Variants in ZNF385D observed in about 807,000 individuals in gnomAD.
ZNF385D encodes zinc finger protein 385D.
Under a neutral mutation model 35.8 loss-of-function variants are expected in ZNF385D, and 15 were observed. The observed-to-expected ratio is 0.42, with a 90% CI of 0.28 to 0.64. The LOEUF is 0.64. Among genes scored for constraint, ZNF385D ranks in the 30% least tolerant of loss-of-function variants. The pLI is 0.23. For synonymous variants in ZNF385D, 212 were observed against 186.8 expected (o/e 1.13, Z -1.10); for missense variants, 474 against 494.6 (o/e 0.96, Z 0.39).
At position 22,083,599 on chromosome 3, in the gene ZNF385D, T is replaced by C. The variant is rs140184219; in HGVS notation, c.325+85218A>G. 6.6e-3 allele frequency among the ~76,000 whole-genome samples: 1,010 copies of C among 152,262 alleles called. 16 individuals carry two copies. Among genetic ancestry groups the C allele is most frequent in the African/African-American group, 0.022 (913 of 41,554 alleles). On this transcript the variant is annotated intron_variant, in intron 3 of 5. Transcript: ENST00000494108. The stretch of plus-strand genomic sequence containing the variant: ...GGACTATGTGAAAAGACCAAATCTA[T>C]GTCTGATTGGTGTACCTGAAAGTGA...
At chr3:21,789,403 G>A (rs1164416757) in intron 3 of ZNF385D, among the ~76,000 whole-genome samples, 1 of 152,168 alleles carries the variant, frequency 6.6e-6, no homozygotes, top group Non-Finnish European at 1.5e-5. Context: ...GGAGTGGGGA[G>A]ATCTAGGGCA....
intron 3 of ZNF385D, among the ~76,000 whole-genome samples, chr3:21,866,020 TTAA>T (rs1697330889): frequency 6.6e-6 from 1 of 152,082 alleles, no homozygotes. Flanking sequence ...ATTATGAATA[TTAA>T]TATTACATTC....
chr3:21,549,049 T>C (rs1177550393), intron 3 of ZNF385D, among the ~76,000 whole-genome samples: 4 of 152,238 alleles, frequency 2.6e-5, no homozygotes, highest in Admixed American at 2.6e-4. Flanking sequence ...GTTATGAATG[T>C]ATCTACTGGT....
chr3:21,782,210 G>A (rs1427694571), intron 3 of ZNF385D, among the ~76,000 whole-genome samples: 1 of 152,026 alleles, frequency 6.6e-6, no homozygotes, highest in Non-Finnish European at 1.5e-5. Context: ...TCAGTATTCA[G>A]TTGCCCCAGC....
upstream of ZNF385D, among the ~76,000 whole-genome samples, chr3:21,755,847 T>C (rs1019213933): frequency 3.3e-5 from 5 of 152,184 alleles, no homozygotes; most frequent in African/African-American, 1.2e-4. Flanking sequence ...AGGTGCTGGA[T>C]GAAGAACGCT....
chr3:21,697,539 A>G (rs1475150652), intron 1 of ZNF385D, among the ~76,000 whole-genome samples: 1 of 152,084 alleles, frequency 6.6e-6, no homozygotes, highest in Admixed American at 6.6e-5. Flanking sequence ...GAATACTTAA[A>G]ATGTGGCTGG....
At chr3:22,203,175 T>A (rs1387570067) in intron 2 of ZNF385D, among the ~76,000 whole-genome samples, 1 of 151,944 alleles carries the variant, frequency 6.6e-6, no homozygotes, top group African/African-American at 2.4e-5. Context: ...AAGAGGACTT[T>A]CTCTTGCAAC....
chr3:21,507,355 A>T (rs1706850933), intron 4 of ZNF385D, among the ~76,000 whole-genome samples: 1 of 152,082 alleles, frequency 6.6e-6, no homozygotes, highest in South Asian at 2.1e-4. Context: ...TTTTTAAAAT[A>T]TATATATAAT....
chr3:22,169,695 T>C (rs1176904903), intron 2 of ZNF385D, among the ~76,000 whole-genome samples: 2 of 152,334 alleles, frequency 1.3e-5, no homozygotes, highest in Middle Eastern at 3.4e-3. Flanking sequence ...AATTATGGCT[T>C]ACATTGGAAA....
intron 3 of ZNF385D, among the ~76,000 whole-genome samples, chr3:21,551,560 T>A (rs1302861840): frequency 6.6e-6 from 1 of 152,238 alleles, no homozygotes; most frequent in African/African-American, 2.4e-5. Context: ...CTTCACTTAA[T>A]AAGCTTACAT....
chr3:21,683,514 G>T (rs1189708329), intron 1 of ZNF385D, among the ~76,000 whole-genome samples: 1 of 149,454 alleles, frequency 6.7e-6, no homozygotes, highest in Non-Finnish European at 1.5e-5. Context: ...GCTACTCGAA[G>T]GCTGAGGGAA....
rs868681391 is a variant in ZNF385D, at chr3:22,226,961, G to A, written c.107-57926C>T. 2.6e-5 allele frequency among the ~76,000 whole-genome samples: 4 copies of A among 152,140 alleles called. No individual in the cohort carries two copies. The South Asian group carries it at 8.3e-4, about 32-fold the overall frequency. On this transcript the variant is annotated intron_variant, in intron 2 of 5. Transcript: ENST00000494108. ...TATTTCTGCCTGCAAATGCCAATAT[G>A]GAAAAATACAGGCTAGACTCTTGTT...
intron 4 of ZNF385D, among the ~76,000 whole-genome samples, chr3:21,495,355 T>A (rs1400985838): frequency 2.0e-5 from 3 of 152,026 alleles, no homozygotes; most frequent in Non-Finnish European, 2.9e-5. Flanking sequence ...AAAAATAACA[T>A]AAGTTCCAAC....
chr3:21,672,045 G>A (rs1020830283), intron 1 of ZNF385D, among the ~76,000 whole-genome samples: 1 of 151,966 alleles, frequency 6.6e-6, no homozygotes, highest in Non-Finnish European at 1.5e-5. Flanking sequence ...TGTTGGTTGG[G>A]GATAACAATG....
At chr3:21,436,849 T>C (rs1701575903) in intron 5 of ZNF385D, 121 bp downstream of exon 5, 1 of 920,698 alleles carries the variant, frequency 1.1e-6, no homozygotes, top group Non-Finnish European at 1.6e-6. Context: ...GGTTAATGAT[T>C]TCCATGTAAT....
In ZNF385D at chr3:21,465,048, T is replaced by C. The variant is rs151278; in HGVS notation, c.440-27845A>G. The stretch of plus-strand genomic sequence containing the variant: ...TCTTTCTCATTAAATACTTTGTCAT[T>C]TTTACAGAAAGATTTCATATCCAGG... On this transcript the variant is annotated intron_variant, in intron 4 of 7. Transcript: ENST00000281523. This position sits in a 1 kb window ranked among gnomAD's most constrained non-coding sequence, Gnocchi z 4.2. 0.79 allele frequency among the ~76,000 whole-genome samples: 120,779 copies of C among 152,086 alleles called. 48,480 individuals are homozygous for C. The highest frequency in any genetic ancestry group is 0.99 in the East Asian group (5,107 of 5,160).
chr3:22,006,532 C>T (rs12494280), intron 3 of ZNF385D, among the ~76,000 whole-genome samples: 16,373 of 151,270 alleles, frequency 0.11, 1,175 homozygotes, highest in South Asian at 0.26. Context: ...AAATGAAGAA[C>T]AGGAAAAGAT....
intron 2 of ZNF385D, among the ~76,000 whole-genome samples, chr3:22,312,053 G>A (rs1296982385): frequency 6.6e-6 from 1 of 152,070 alleles, no homozygotes; most frequent in Non-Finnish European, 1.5e-5. Context: ...TGCTGTGCTG[G>A]AAGTCTTCAC....
chr3:21,607,562 A>G (rs146484511), intron 2 of ZNF385D, among the ~76,000 whole-genome samples: 3 of 152,264 alleles, frequency 2.0e-5, no homozygotes, highest in Non-Finnish European at 4.4e-5. Flanking sequence ...ATTTCTTTCC[A>G]GTCCCCATAT....
Sources: gnomAD v4.1 joint callset for allele counts (sites outside exome capture counted in the v4.1 genomes callset) on GRCh38, gnomAD v4.1.1 for gene constraint, Gnocchi (gnomAD v3.1) non-coding constraint, MANE v1.5 for transcripts, NCBI Gene and HGNC (gene_info 2026-07-23, HGNC 2026-07-21) for gene names.